The following GLIS3 variants were observed in gnomAD, a reference collection of about 807,000 sequenced individuals.
The protein encoded by GLIS3 is zinc finger protein GLIS3.
In GLIS3, 53 loss-of-function variants were observed where a neutral mutation model predicts 78.6. The ratio of observed to expected loss-of-function variants is 0.67; its 90% CI spans 0.54 to 0.85. The LOEUF (loss-of-function observed/expected upper bound fraction) is 0.85. Among genes scored for constraint, GLIS3 ranks in the 40% least tolerant of loss-of-function variants. GLIS3 has a pLI of 0.00. For missense variants in GLIS3, 1,703 were observed against 1,231.1 expected, an observed-to-expected ratio of 1.38 and a Z score of -5.74; for synonymous variants, 684 against 509.9, an observed-to-expected ratio of 1.34 and a Z score of -4.60.
the GLIS3 span, among the ~76,000 whole-genome samples, chr9:4,485,720 T>C: frequency 2.3e-5 from 1 of 42,646 alleles, no homozygotes; most frequent in Non-Finnish European, 4.8e-5. Flanking sequence ...CTGCCTCTGC[T>C]TTTTTTTTTT....
At chr9:3,888,887 A>G (rs1037730735) in intron 7 of GLIS3, among the ~76,000 whole-genome samples, 1 of 152,186 alleles carries the variant, frequency 6.6e-6, no homozygotes, top group African/African-American at 2.4e-5. Context: ...GCCTTCAGTT[A>G]TATCCATTTC....
At chr9:4,353,097 T>C (rs1817995869), upstream of GLIS3, among the ~76,000 whole-genome samples, 1 of 152,148 alleles carries the variant, frequency 6.6e-6, no homozygotes, top group Non-Finnish European at 1.5e-5. Flanking sequence ...GCCGTGTCTT[T>C]GGATTCCTGG....
intron 2 of GLIS3, among the ~76,000 whole-genome samples, chr9:4,159,829 T>C (rs970783889): frequency 1.3e-5 from 2 of 152,034 alleles, no homozygotes; most frequent in African/African-American, 4.8e-5. Flanking sequence ...TGAAATACAT[T>C]CAGGAGAGAA....
chr9:4,284,551 A>C (rs749621941), intron 2 of GLIS3, among the ~76,000 whole-genome samples: 25 of 152,054 alleles, frequency 1.6e-4, no homozygotes, highest in African/African-American at 5.6e-4. Context: ...GCTAAATATC[A>C]GTACCTCTAA....
chr9:4,149,711 T>C (rs1318996380), intron 2 of GLIS3, among the ~76,000 whole-genome samples: 1 of 152,158 alleles, frequency 6.6e-6, no homozygotes, highest in Non-Finnish European at 1.5e-5. Flanking sequence ...TAACATGAAA[T>C]TCATTTGTTA....
At chr9:4,418,324 A>C in the GLIS3 span, among the ~76,000 whole-genome samples, 1 of 152,234 alleles carries the variant, frequency 6.6e-6, no homozygotes, top group Non-Finnish European at 1.5e-5. Context: ...AGGGAAAGAT[A>C]GACATGCAGA....
chr9:4,379,497 A>C, the GLIS3 span, among the ~76,000 whole-genome samples: 2 of 152,228 alleles, frequency 1.3e-5, no homozygotes, highest in Non-Finnish European at 2.9e-5. Flanking sequence ...AGTGCAAACT[A>C]TCTAGAGATG....
At chr9:4,412,337 C>T in the GLIS3 span, among the ~76,000 whole-genome samples, 3 of 152,154 alleles carry the variant, frequency 2.0e-5, no homozygotes. Flanking sequence ...CTAAAAGTTA[C>T]CTTAGACTGG....
chr9:4,183,189 G>A lies in GLIS3; in HGVS notation c.389-57248C>T, dbSNP rs563304405. Among the ~76,000 whole-genome samples, 310 of 152,296 alleles carry A rather than the reference G, an allele frequency of 2.0e-3. 2 individuals carry two copies. Among genetic ancestry groups the A allele is most frequent in the Non-Finnish European group, 3.6e-3 (245 of 68,022 alleles). The stretch of plus-strand genomic sequence containing the variant: ...CTTCCATGTTACTTCTGAGAAACAG[G>A]CTGAAGCCAGGTGGTAGATATCATA... On this transcript the variant is annotated intron_variant, in intron 2 of 10. Coordinates refer to ENST00000381971, the MANE Select transcript of GLIS3 (RefSeq NM_001042413.2).
At chr9:4,078,527 G>A (rs1828271942) in intron 4 of GLIS3, among the ~76,000 whole-genome samples, 1 of 152,200 alleles carries the variant, frequency 6.6e-6, no homozygotes, top group Non-Finnish European at 1.5e-5. Flanking sequence ...GCAAAACACA[G>A]GAACCACCAC....
At chr9:4,236,144 G>A (rs1018048044) in intron 2 of GLIS3, among the ~76,000 whole-genome samples, 3 of 124,452 alleles carry the variant, frequency 2.4e-5, no homozygotes, top group African/African-American at 9.4e-5. Context: ...CTGGAGTAGT[G>A]CTCCCTGGCC....
At chr9:4,147,459 G>A (rs1309831405) in intron 2 of GLIS3, 1 of 152,156 alleles carries the variant, frequency 6.6e-6, no homozygotes, top group Non-Finnish European at 1.5e-5. Context: ...GTGTACCTGT[G>A]TGGGTATAGA....
intron 2 of GLIS3, among the ~76,000 whole-genome samples, chr9:4,319,150 G>C (rs1369448206): frequency 1.3e-5 from 2 of 152,102 alleles, no homozygotes; most frequent in African/African-American, 4.8e-5. Context: ...ATCTCAGCTG[G>C]ATTCTGAATG....
chr9:4,337,717 T>G (rs1253946698), intron 2 of GLIS3, among the ~76,000 whole-genome samples: 2 of 152,144 alleles, frequency 1.3e-5, no homozygotes, highest in African/African-American at 4.8e-5. Flanking sequence ...AGACAAAAGC[T>G]GATTAATGTT....
the GLIS3 span, among the ~76,000 whole-genome samples, chr9:4,399,017 G>A: frequency 1.3e-5 from 2 of 152,100 alleles, no homozygotes; most frequent in East Asian, 1.9e-4. Flanking sequence ...TTTGTTTTCT[G>A]CTCTGCTTTC....
chr9:4,036,511 C>T (rs912099945), intron 4 of GLIS3, among the ~76,000 whole-genome samples: 3 of 152,108 alleles, frequency 2.0e-5, no homozygotes, highest in African/African-American at 7.2e-5. Context: ...AAATTGGTAA[C>T]GGTTTCTATC....
chr9:3,848,703 C>T (rs1819217857), intron 9 of GLIS3, among the ~76,000 whole-genome samples: 1 of 152,146 alleles, frequency 6.6e-6, no homozygotes, highest in African/African-American at 2.4e-5. Context: ...ATTTAAATAT[C>T]AATGCTCTGA....
At chr9:4,032,835 G>A (rs986654140) in intron 4 of GLIS3, among the ~76,000 whole-genome samples, 5 of 151,754 alleles carry the variant, frequency 3.3e-5, no homozygotes, top group African/African-American at 1.2e-4. Flanking sequence ...AGGCTGGAAT[G>A]CCAAGTGGAA....
chr9:4,380,271 C>T, the GLIS3 span, among the ~76,000 whole-genome samples: 2 of 152,130 alleles, frequency 1.3e-5, no homozygotes, highest in South Asian at 4.1e-4. Context: ...TTAAATAACT[C>T]TCTGCTGTTA....
Sources: gnomAD v4.1 joint callset for allele counts (sites outside exome capture counted in the v4.1 genomes callset) on GRCh38, gnomAD v4.1.1 for gene constraint, MANE v1.5 for transcripts, NCBI Gene and HGNC (gene_info 2026-07-23, HGNC 2026-07-21) for gene names.